Variants in PRKD1 observed in about 807,000 individuals in gnomAD.
PRKD1 encodes serine/threonine-protein kinase D1.
PRKD1 carries 63 observed loss-of-function variants against 95.9 expected under a neutral mutation model. The observed-to-expected ratio is 0.66, with a 90% confidence interval of 0.54 to 0.81. The LOEUF (loss-of-function observed/expected upper bound fraction) is 0.81. PRKD1 is among the 30% of genes least tolerant of loss of function. The pLI is 0.00. For missense variants in PRKD1, 1,048 were observed against 1,165.3 expected (o/e 0.90, Z 1.47); for synonymous variants, 425 against 423.1 (o/e 1.00, Z -0.05).
chr14:29,778,235 G>A (rs889785682), intron 1 of PRKD1, among the ~76,000 whole-genome samples: 4 of 152,086 alleles, frequency 2.6e-5, no homozygotes, highest in African/African-American at 7.2e-5. Context: ...AACTAGAGAA[G>A]CAAGAGCAAA....
intron 1 of PRKD1, among the ~76,000 whole-genome samples, chr14:29,726,801 A>C (rs1186009514): frequency 6.7e-6 from 1 of 149,904 alleles, no homozygotes; most frequent in Non-Finnish European, 1.5e-5. Context: ...AAAAAAAAAC[A>C]CAACAGCTGA....
chr14:29,909,925 T>C (rs970936006), intron 1 of PRKD1, among the ~76,000 whole-genome samples: 1 of 152,092 alleles, frequency 6.6e-6, no homozygotes, highest in African/African-American at 2.4e-5. Flanking sequence ...GGATTGTAAA[T>C]GCACCAATCA....
chr14:29,903,497 T>C (rs10144294), intron 1 of PRKD1, among the ~76,000 whole-genome samples: 2,720 of 152,194 alleles, frequency 0.018, 93 homozygotes, highest in African/African-American at 0.062. Context: ...GTCAGTTAAA[T>C]AGAGAACCAC....
intron 1 of PRKD1, among the ~76,000 whole-genome samples, chr14:29,915,267 A>C (rs1380015330): frequency 1.3e-5 from 2 of 152,196 alleles, no homozygotes; most frequent in Non-Finnish European, 2.9e-5. Context: ...CTTTGGATGA[A>C]GACAGTGGCA....
At chr14:29,718,361 T>C (rs1400447559) in intron 2 of PRKD1, among the ~76,000 whole-genome samples, 1 of 151,254 alleles carries the variant, frequency 6.6e-6, no homozygotes, top group East Asian at 1.9e-4. Context: ...AGGTCCTTGC[T>C]TCCCCTTCAC....
At position 29,759,111 on chromosome 14, in the gene PRKD1, G is replaced by C. The variant is rs1361845454; in HGVS notation, c.265-33437C>G. ...CATTCCCTAGTCTAAGGAGACTGTT[G>C]TAACTTTGCTAGGTTCTGTGGTGTT... On this transcript the variant is annotated intron_variant, in intron 1 of 17. Transcript: ENST00000331968. Among the ~76,000 whole-genome samples, 7 of 152,158 alleles carry C rather than the reference G, an allele frequency of 4.6e-5. No homozygotes were observed. The East Asian group carries it at 1.3e-3, about 29-fold the overall frequency.
chr14:29,770,570 A>C (rs1406390448), intron 1 of PRKD1, among the ~76,000 whole-genome samples: 1 of 152,230 alleles, frequency 6.6e-6, no homozygotes, highest in East Asian at 1.9e-4. Context: ...AAGGCCATCC[A>C]AGTTATAAAG....
intron 15 of PRKD1, 104 bp from the exon 16 acceptor site, chr14:29,597,862 C>T: frequency 8.5e-7 from 1 of 1,175,902 alleles, no homozygotes; most frequent in Non-Finnish European, 1.2e-6. Flanking sequence ...AATACTTTAC[C>T]TTTACATTAA....
chr14:29,724,412 C>T (rs937737846), intron 2 of PRKD1, among the ~76,000 whole-genome samples: 1 of 152,040 alleles, frequency 6.6e-6, no homozygotes, highest in African/African-American at 2.4e-5. Context: ...ACTTAGAAAA[C>T]AACATGTCTA....
intron 16 of PRKD1, chr14:29,594,002 G>A (rs1397213730): frequency 2.9e-6 from 1 of 342,556 alleles, no homozygotes; most frequent in Non-Finnish European, 5.7e-6. Context: ...AATTATAAAT[G>A]ATTTCCAGTC....
intron 1 of PRKD1, among the ~76,000 whole-genome samples, chr14:29,874,654 C>T (rs1432802379): frequency 6.6e-6 from 1 of 152,132 alleles, no homozygotes; most frequent in Non-Finnish European, 1.5e-5. Context: ...ACTATTCAGC[C>T]ATACAGAAAG....
chr14:29,618,058 C>A (rs1878987234), intron 13 of PRKD1, among the ~76,000 whole-genome samples: 1 of 151,998 alleles, frequency 6.6e-6, no homozygotes, highest in African/African-American at 2.4e-5. Flanking sequence ...CAGAGTAAGA[C>A]CCCTTCTCCC....
chr14:29,905,252 CACT>C (rs1894455199), intron 1 of PRKD1, among the ~76,000 whole-genome samples: 1 of 152,142 alleles, frequency 6.6e-6, no homozygotes, highest in Admixed American at 6.5e-5. Context: ...GGTGGAATCA[CACT>C]ACATCATCAA....
At chr14:29,841,701 T>C (rs1381079361) in intron 1 of PRKD1, among the ~76,000 whole-genome samples, 3 of 152,150 alleles carry the variant, frequency 2.0e-5, no homozygotes, top group Non-Finnish European at 2.9e-5. Context: ...ATCAGCAGCA[T>C]GAAAAGAGAC....
intron 1 of PRKD1, among the ~76,000 whole-genome samples, chr14:29,780,642 G>C (rs949461167): frequency 6.6e-6 from 1 of 152,204 alleles, no homozygotes; most frequent in Non-Finnish European, 1.5e-5. Context: ...GGAAACAACA[G>C]GTGTTGGAGA....
At chr14:29,717,733 G>A (rs1042869493) in intron 2 of PRKD1, among the ~76,000 whole-genome samples, 4 of 152,040 alleles carry the variant, frequency 2.6e-5, no homozygotes, top group Non-Finnish European at 5.9e-5. Context: ...AAAGTATACA[G>A]CATGAAGAAT....
chr14:29,746,086 T>C (rs1025828579), intron 1 of PRKD1, among the ~76,000 whole-genome samples: 1 of 152,134 alleles, frequency 6.6e-6, no homozygotes, highest in Non-Finnish European at 1.5e-5. Context: ...ATGTTTACGA[T>C]GACTTTGGGA....
chr14:29,926,439 T>A (rs10145475), intron 1 of PRKD1, among the ~76,000 whole-genome samples: 73,147 of 151,948 alleles, frequency 0.48, 19,542 homozygotes, highest in African/African-American at 0.72. Flanking sequence ...TCCAAATTGC[T>A]ACTGTAAACA....
intron 1 of PRKD1, among the ~76,000 whole-genome samples, chr14:29,921,236 A>C (rs1359379021): frequency 6.6e-6 from 1 of 152,182 alleles, no homozygotes; most frequent in African/African-American, 2.4e-5. Context: ...TAGTCCTTAA[A>C]GAATGCTGAG....
Sources: gnomAD v4.1 joint callset for allele counts (sites outside exome capture counted in the v4.1 genomes callset) on GRCh38, gnomAD v4.1.1 for gene constraint, MANE v1.5 for transcripts, NCBI Gene and HGNC (gene_info 2026-07-23, HGNC 2026-07-21) for gene names.